UPK1A: variants seen among roughly 807,000 people sequenced by gnomAD.
The protein encoded by UPK1A is uroplakin 1A, also known as uroplakin-1a.
UPK1A carries 31 observed loss-of-function variants against 32.3 expected under a neutral mutation model. The ratio of observed to expected loss-of-function variants is 0.96; its 90% CI spans 0.72 to 1.30. The LOEUF is 1.30. Ranked by LOEUF, UPK1A falls within the 50% of genes most tolerant of loss-of-function variation. The probability of loss-of-function intolerance (pLI) is 0.00; values close to 1 mark genes in which losing one functional copy is unlikely to be tolerated. For synonymous variants in UPK1A, 135 were observed against 137.1 expected (o/e 0.98, Z 0.11); for missense variants, 340 against 357.4 (o/e 0.95, Z 0.39).
intron 5 of UPK1A, among the ~76,000 whole-genome samples, chr19:35,674,033 G>A (rs551396803): frequency 3.3e-3 from 491 of 150,864 alleles, no homozygotes; most frequent in Non-Finnish European, 5.2e-3. Flanking sequence ...GAGTAGCTGG[G>A]AATACAGGTG....
chr19:35,668,603 C>T, exon 3 of UPK1A: 1 of 1,614,066 alleles, frequency 6.2e-7, no homozygotes, highest in Non-Finnish European at 8.5e-7. Flanking sequence ...TCATGGTAGC[C>T]AGTTTTGGTG....
intron 3 of UPK1A, among the ~76,000 whole-genome samples, chr19:35,669,499 TAAAAAAAAAA>T (rs34854874): frequency 2.6e-5 from 3 of 116,306 alleles, no homozygotes; most frequent in Admixed American, 9.6e-5. Context: ...ATCCCATCTC[TAAAAAAAAAA>T]AAAAAAAAAA....
chr19:35,673,174 G>A, intron 3 of UPK1A, 58 bp from the exon 4 acceptor site: 1 of 1,569,542 alleles, frequency 6.4e-7, no homozygotes, highest in South Asian at 1.1e-5. Flanking sequence ...ATGCTTCCCT[G>A]ACGGGGTGTG....
exon 6 of UPK1A, chr19:35,676,015 C>G: frequency 1.4e-5 from 23 of 1,612,620 alleles, no homozygotes; most frequent in Non-Finnish European, 2.0e-5. Flanking sequence ...TACCTGTTCA[C>G]CAAGGTGTGG....
chr19:35,668,735 A>G, intron 3 of UPK1A, 81 bp downstream of exon 3: 1 of 1,451,668 alleles, frequency 6.9e-7, no homozygotes, highest in South Asian at 1.4e-5. Flanking sequence ...GTGCAGCCCC[A>G]GCCACTAGTG....
chr19:35,668,702 G>C (rs1297758862), intron 3 of UPK1A, 48 bp downstream of exon 3: 4 of 1,546,464 alleles, frequency 2.6e-6, no homozygotes, highest in Non-Finnish European at 3.5e-6. Flanking sequence ...ACGGAGTTCA[G>C]CATCACTGAG....
At chr19:35,675,851 T>C in exon 6 of UPK1A, 1 of 1,611,426 alleles carries the variant, frequency 6.2e-7, no homozygotes, top group Admixed American at 1.7e-5. Flanking sequence ...AAGAATGCTG[T>C]GGCACATCTG....
At chr19:35,676,144 T>G (rs1968177837) in intron 6 of UPK1A, 125 bp downstream of exon 6, 1 of 1,058,426 alleles carries the variant, frequency 9.4e-7, no homozygotes, top group African/African-American at 1.6e-5. Flanking sequence ...CCCTCTCCTC[T>G]TCCCCTCTCT....
intron 6 of UPK1A, 54 bp downstream of exon 6, chr19:35,676,073 G>A (rs1473917584): frequency 6.5e-7 from 1 of 1,549,426 alleles, no homozygotes; most frequent in Non-Finnish European, 8.7e-7. Flanking sequence ...TCTTCCTCTG[G>A]TCTCTGCTCC....
At position 35,670,466 on chromosome 19, in the gene UPK1A, C is replaced by T. The variant is rs948690853; in HGVS notation, c.285+1812C>T. On this transcript the variant is annotated intron_variant, in intron 3 of 7. Transcript: ENST00000617999. ...AGGTGTTGTGGACTTTGGCTTTATCCTGAGTAAGATGGAGCCATGGACTCC... is the reference window on the plus strand; with the variant it reads ...AGGTGTTGTGGACTTTGGCTTTATCTTGAGTAAGATGGAGCCATGGACTCC... 8.4e-3 allele frequency among the ~76,000 whole-genome samples: 986 copies of T among 117,042 alleles called. 8 individuals carry two copies. Among genetic ancestry groups the T allele is most frequent in the African/African-American group, 0.031 (930 of 29,626 alleles). 76.8% of individuals were successfully genotyped at this position (117,042 alleles called of 152,430 possible).
chr19:35,674,500 G>C (rs1968153241), intron 5 of UPK1A, among the ~76,000 whole-genome samples: 1 of 151,766 alleles, frequency 6.6e-6, no homozygotes, highest in Non-Finnish European at 1.5e-5. Flanking sequence ...GCCTCCCAAA[G>C]TGCTGGGATT....
Position 35,668,565 on chromosome 19 carries a change from A to G in UPK1A, c.196A>G (p.Ile66Val), listed in dbSNP as rs757809914. The G allele has an allele frequency of 3.1e-6, 5 of 1,613,846 alleles. No homozygotes were observed. In the Admixed American group the frequency reaches 6.7e-5, roughly 22 times the overall value. ...GGATGACGTCTTCGCTGGTGCCTGGATTGCCATCTTCTGCGGCTTCTCCTT... is the reference window on the plus strand; with the variant it reads ...GGATGACGTCTTCGCTGGTGCCTGGGTTGCCATCTTCTGCGGCTTCTCCTT... Residue 66 changes from isoleucine (I) to valine (V), a missense_variant, in exon 3 of 8, where the codon ATT becomes GTT. Physicochemically the swap from Ile to Val is conservative, Grantham distance 29. Coordinates refer to ENST00000617999, the Ensembl canonical transcript of UPK1A.
chr19:35,666,980 C>G, intron 2 of UPK1A, 84 bp downstream of exon 2: 1 of 1,387,594 alleles, frequency 7.2e-7, no homozygotes. Flanking sequence ...GGATGAGGGT[C>G]CAGAACTGTC....
chr19:35,673,599 C>G, intron 5 of UPK1A, 54 bp downstream of exon 5: 1 of 1,510,270 alleles, frequency 6.6e-7, no homozygotes, highest in Non-Finnish European at 9.1e-7. Flanking sequence ...CCACAGAGGC[C>G]GATAGAGCTC....
chr19:35,673,105 T>G (rs1008672741), intron 3 of UPK1A, 127 bp from the exon 4 acceptor site: 3 of 797,440 alleles, frequency 3.8e-6, no homozygotes, highest in African/African-American at 1.7e-5. Context: ...CCACCACATA[T>G]TATAGATGCT....
In UPK1A at chr19:35,673,217, CCTCT is replaced by C; in HGVS notation, c.286-14_286-11del. ...GGGCTCTGCCCGACGGGCCGTCCTC[CCTCT>C]GTCTCCCCAGTACCTGGTGCTCATG... On this transcript the variant is annotated splice_polypyrimidine_tract_variant and intron_variant, in intron 3 of 7. Coordinates refer to ENST00000617999, the Ensembl canonical transcript of UPK1A. 1 of 1,613,858 alleles carries C rather than the reference CCTCT, an allele frequency of 6.2e-7. No homozygotes were observed. Among genetic ancestry groups the C allele is most frequent in the Non-Finnish European group, 8.5e-7 (1 of 1,179,912 alleles).
intron 2 of UPK1A, 65 bp from the exon 3 acceptor site, chr19:35,668,389 T>G: frequency 1.9e-6 from 3 of 1,596,874 alleles, no homozygotes; most frequent in Non-Finnish European, 2.6e-6. Context: ...AACTTGCTCG[T>G]GGAGATGCCT....
At chr19:35,673,111 A>G in intron 3 of UPK1A, 121 bp from the exon 4 acceptor site, 3 of 846,182 alleles carry the variant, frequency 3.5e-6, no homozygotes, top group Non-Finnish European at 5.9e-6. Flanking sequence ...CATATTATAG[A>G]TGCTGCTAGT....
chr19:35,666,570 G>C, intron 1 of UPK1A, 32 bp downstream of exon 1: 1 of 534,888 alleles, frequency 1.9e-6, no homozygotes. Context: ...TCTGGGTATG[G>C]CATGAGGGGT....
Sources: gnomAD v4.1 joint callset for allele counts (sites outside exome capture counted in the v4.1 genomes callset) on GRCh38, gnomAD v4.1.1 for gene constraint, MANE v1.5 for transcripts, NCBI Gene and HGNC (gene_info 2026-07-23, HGNC 2026-07-21) for gene names.